Variants in CCBE1 observed in about 807,000 individuals in gnomAD.
CCBE1 encodes the protein collagen and calcium binding EGF domains 1, also known as collagen and calcium-binding EGF domain-containing protein 1.
A neutral mutation model predicts 50.0 loss-of-function variants in CCBE1; 37 were observed. That is an observed-to-expected ratio of 0.74 (90% CI 0.57 to 0.97). The LOEUF is 0.97. Ranked by LOEUF, CCBE1 falls within the 50% of genes least tolerant of loss-of-function variation. CCBE1 has a pLI of 0.00. For synonymous variants in CCBE1, 234 were observed against 203.7 expected, an observed-to-expected ratio of 1.15 and a Z score of -1.27; for missense variants, 538 against 523.8, an observed-to-expected ratio of 1.03 and a Z score of -0.26.
At chr18:59,643,912 C>T (rs2054022367) in intron 2 of CCBE1, among the ~76,000 whole-genome samples, 1 of 152,170 alleles carries the variant, frequency 6.6e-6, no homozygotes, top group South Asian at 2.1e-4. Context: ...ACCATGAAAG[C>T]CCAACTCAGG....
chr18:59,512,640 A>G (rs1914181811), intron 2 of CCBE1, among the ~76,000 whole-genome samples: 1 of 152,264 alleles, frequency 6.6e-6, no homozygotes, highest in Non-Finnish European at 1.5e-5. Flanking sequence ...AGGGCAGGAA[A>G]GACCCCATAG....
At chr18:59,475,716 T>A (rs1274707670) in intron 3 of CCBE1, among the ~76,000 whole-genome samples, 1 of 147,054 alleles carries the variant, frequency 6.8e-6, no homozygotes, top group Non-Finnish European at 1.5e-5. Flanking sequence ...TATATTTATT[T>A]ATTATTTATT....
intron 2 of CCBE1, among the ~76,000 whole-genome samples, chr18:59,685,263 G>A (rs573876943): frequency 6.6e-6 from 1 of 152,086 alleles, no homozygotes; most frequent in Non-Finnish European, 1.5e-5. Context: ...AAGAAACCAA[G>A]AACTCATGAG....
At chr18:59,469,631 A>T (rs753859796) in intron 3 of CCBE1, 24 bp from the exon 4 acceptor site, 2 of 1,613,664 alleles carry the variant, frequency 1.2e-6, no homozygotes, top group Non-Finnish European at 1.7e-6. Context: ...GTGAGAGCTC[A>T]CATCAACTAC....
At chr18:59,672,635 T>C (rs1192990261) in intron 2 of CCBE1, among the ~76,000 whole-genome samples, 6 of 152,210 alleles carry the variant, frequency 3.9e-5, no homozygotes, top group African/African-American at 1.4e-4. Flanking sequence ...CACTGCAGCC[T>C]GCATCATCTG....
At chr18:59,590,271 T>C (rs536240683) in intron 2 of CCBE1, among the ~76,000 whole-genome samples, 2 of 151,902 alleles carry the variant, frequency 1.3e-5, no homozygotes, top group Non-Finnish European at 2.9e-5. Flanking sequence ...CAGCAAAAAA[T>C]TTAGTAAAGA....
chr18:59,570,579 C>T (rs779935656), intron 2 of CCBE1, among the ~76,000 whole-genome samples: 1 of 152,096 alleles, frequency 6.6e-6, no homozygotes, highest in Admixed American at 6.5e-5. Context: ...TACCAGGATC[C>T]CTGAGATCAC....
intron 7 of CCBE1, among the ~76,000 whole-genome samples, chr18:59,442,810 GCACAAAAA>G (rs771788370): frequency 9.2e-5 from 14 of 152,122 alleles, no homozygotes; most frequent in Non-Finnish European, 1.3e-4. Context: ...GAAATAGGAA[GCACAAAAA>G]CCACAATTCC....
Position 59,512,389 on chromosome 18 carries a change from A to G in CCBE1, c.213-32151T>C, listed in dbSNP as rs537703133. Among the ~76,000 whole-genome samples the G allele has an allele frequency of 4.9e-4, 74 of 152,320 alleles. 1 individual carries two copies. In the South Asian group the frequency reaches 0.011, roughly 22 times the overall value. On this transcript the variant is annotated intron_variant, in intron 2 of 10. Coordinates refer to ENST00000439986, the MANE Select transcript of CCBE1 (RefSeq NM_133459.4). ...GGAGCCCCACAACCTGCCCATCTGT[A>G]TGCTCCCCTCAAGGTTTGAGCAGTG... is the stretch of plus-strand genomic sequence containing the variant.
At chr18:59,534,333 G>T (rs1002098017) in intron 2 of CCBE1, among the ~76,000 whole-genome samples, 1 of 152,146 alleles carries the variant, frequency 6.6e-6, no homozygotes, top group Non-Finnish European at 1.5e-5. Context: ...AAGGCCCTGA[G>T]GTTTTTGTCT....
intron 2 of CCBE1, among the ~76,000 whole-genome samples, chr18:59,558,010 G>A (rs1051722909): frequency 1.6e-4 from 25 of 152,300 alleles, no homozygotes; most frequent in African/African-American, 6.0e-4. Context: ...GTGTGGGGAA[G>A]AGAAACCCCT....
intron 2 of CCBE1, among the ~76,000 whole-genome samples, chr18:59,500,180 A>T (rs116922614): frequency 1.3e-5 from 2 of 152,092 alleles, no homozygotes; most frequent in East Asian, 3.8e-4. Flanking sequence ...GCATGGTTCT[A>T]CTCTGCAGTT....
At chr18:59,484,061 C>A (rs1394570522) in intron 2 of CCBE1, among the ~76,000 whole-genome samples, 1 of 152,094 alleles carries the variant, frequency 6.6e-6, no homozygotes, top group Admixed American at 6.5e-5. Context: ...TGATGAGGTA[C>A]CAGAAGTACA....
intron 2 of CCBE1, among the ~76,000 whole-genome samples, chr18:59,696,231 A>G (rs186090817): frequency 7.4e-4 from 112 of 152,354 alleles, no homozygotes; most frequent in Admixed American, 7.2e-3. Flanking sequence ...GAAGGTCAGA[A>G]GACAGACAAG....
intron 2 of CCBE1, among the ~76,000 whole-genome samples, chr18:59,587,667 G>T (rs1401550926): frequency 6.6e-6 from 1 of 152,010 alleles, no homozygotes; most frequent in East Asian, 1.9e-4. Flanking sequence ...CTAATCTATC[G>T]CCACTCCTAT....
intron 6 of CCBE1, among the ~76,000 whole-genome samples, chr18:59,449,608 C>A (rs1324675592): frequency 7.9e-6 from 1 of 127,022 alleles, no homozygotes; most frequent in Non-Finnish European, 1.6e-5. Flanking sequence ...GCCTGGGCAA[C>A]AGAGTGAGAC....
chr18:59,617,644 G>A (rs1485504266), intron 2 of CCBE1, among the ~76,000 whole-genome samples: 1 of 152,200 alleles, frequency 6.6e-6, no homozygotes, highest in Admixed American at 6.5e-5. Flanking sequence ...TGCCCCTGCC[G>A]CTCTGGCTGG....
chr18:59,603,306 A>G (rs2053456235), intron 2 of CCBE1, among the ~76,000 whole-genome samples: 1 of 152,204 alleles, frequency 6.6e-6, no homozygotes, highest in African/African-American at 2.4e-5. Flanking sequence ...AAGTGTTGTG[A>G]GGATTCATGA....
chr18:59,629,205 C>A (rs934190352), intron 2 of CCBE1, among the ~76,000 whole-genome samples: 3 of 152,184 alleles, frequency 2.0e-5, no homozygotes, highest in Non-Finnish European at 4.4e-5. Flanking sequence ...TTCTTCCCTG[C>A]TACTAACTAA....
Sources: gnomAD v4.1 joint callset for allele counts (sites outside exome capture counted in the v4.1 genomes callset) on GRCh38, gnomAD v4.1.1 for gene constraint, MANE v1.5 for transcripts, NCBI Gene and HGNC (gene_info 2026-07-23, HGNC 2026-07-21) for gene names.